NOVA1: variants seen among roughly 807,000 people sequenced by gnomAD.
NOVA1 encodes RNA-binding protein Nova-1.
A neutral mutation model predicts 38.0 loss-of-function variants in NOVA1; 7 were observed. That is an observed-to-expected ratio of 0.18 (90% CI 0.10 to 0.35). The LOEUF (loss-of-function observed/expected upper bound fraction) is 0.35, where lower values mean the gene tolerates loss of function less well. NOVA1 is among the 10% of genes least tolerant of loss of function. The probability of loss-of-function intolerance (pLI) is 1.00; values close to 1 mark genes in which losing one functional copy is unlikely to be tolerated. For synonymous variants in NOVA1, 270 were observed against 232.5 expected, an observed-to-expected ratio of 1.16 and a Z score of -1.47; for missense variants, 460 against 616.0, an observed-to-expected ratio of 0.75 and a Z score of 2.68.
chr14:26,560,802 A>G (rs1891773588), intron 2 of NOVA1, among the ~76,000 whole-genome samples: 1 of 152,188 alleles, frequency 6.6e-6, no homozygotes, highest in African/African-American at 2.4e-5. Flanking sequence ...TTGTGAACTA[A>G]TTCAGCTGAT....
chr14:26,552,294 C>T (rs1891209569), intron 2 of NOVA1, among the ~76,000 whole-genome samples: 1 of 151,956 alleles, frequency 6.6e-6, no homozygotes, highest in African/African-American at 2.4e-5. Flanking sequence ...GAAGAATAGG[C>T]ACAGGACCAA....
chr14:26,450,455 TTTTG>T (rs2138561363), intron 4 of NOVA1, among the ~76,000 whole-genome samples: 1 of 152,194 alleles, frequency 6.6e-6, no homozygotes, highest in African/African-American at 2.4e-5. Flanking sequence ...AGAAATTTAA[TTTTG>T]TTTCATTACA....
intron 2 of NOVA1, among the ~76,000 whole-genome samples, chr14:26,555,118 AG>A (rs552169612): frequency 1.2e-3 from 179 of 152,228 alleles, no homozygotes; most frequent in African/African-American, 4.0e-3. Context: ...CTTGTTTTAT[AG>A]GAACACTTTC....
intron 2 of NOVA1, among the ~76,000 whole-genome samples, chr14:26,498,588 C>T (rs1886998289): frequency 6.6e-6 from 1 of 151,964 alleles, no homozygotes; most frequent in African/African-American, 2.4e-5. Flanking sequence ...ACTGTTAAGC[C>T]ATGATTACAG....
intron 2 of NOVA1, among the ~76,000 whole-genome samples, chr14:26,528,922 T>C (rs2138539957): frequency 6.6e-6 from 1 of 152,236 alleles, no homozygotes; most frequent in Middle Eastern, 3.4e-3. Context: ...AGCCCTGGAG[T>C]TCCTCCCAGC....
intron 2 of NOVA1, among the ~76,000 whole-genome samples, chr14:26,528,511 C>T (rs1025967805): frequency 5.3e-5 from 8 of 152,086 alleles, no homozygotes; most frequent in African/African-American, 1.9e-4. Flanking sequence ...GATCATGCTG[C>T]AGGGACTGAA....
intron 2 of NOVA1, among the ~76,000 whole-genome samples, chr14:26,498,781 TTTTC>T (rs1198286828): frequency 6.6e-6 from 1 of 152,168 alleles, no homozygotes; most frequent in East Asian, 1.9e-4. Flanking sequence ...TTAAAGAACA[TTTTC>T]TTTGATTGAT....
At chr14:26,504,573 C>T (rs1594420400) in intron 2 of NOVA1, among the ~76,000 whole-genome samples, 1 of 152,084 alleles carries the variant, frequency 6.6e-6, no homozygotes, top group African/African-American at 2.4e-5. Context: ...TTATATGAGC[C>T]TCCCTTTTGA....
At chr14:26,462,849 T>C (rs191668933) in intron 4 of NOVA1, among the ~76,000 whole-genome samples, 8 of 152,322 alleles carry the variant, frequency 5.3e-5, no homozygotes, top group Non-Finnish European at 1.0e-4. Context: ...AAACATTGCA[T>C]ATACCACAAC....
At chr14:26,521,984 T>C (rs1888932553) in intron 2 of NOVA1, among the ~76,000 whole-genome samples, 1 of 152,098 alleles carries the variant, frequency 6.6e-6, no homozygotes, top group Admixed American at 6.5e-5. Context: ...ATTAAATCTA[T>C]TGCAATTGTT....
intron 2 of NOVA1, among the ~76,000 whole-genome samples, chr14:26,482,932 G>A (rs140245488): frequency 0.012 from 1,869 of 152,202 alleles, 37 homozygotes; most frequent in African/African-American, 0.04. Flanking sequence ...CTGAGCTCAA[G>A]TGATCTGCCC....
At chr14:26,578,406 T>C (rs1361097881) in intron 2 of NOVA1, among the ~76,000 whole-genome samples, 1 of 151,932 alleles carries the variant, frequency 6.6e-6, no homozygotes, top group African/African-American at 2.4e-5. Context: ...GTAAAAATAA[T>C]TTCCAGTAGG....
In NOVA1 at chr14:26,487,097, T is replaced by C. The variant is rs1885977329; in HGVS notation, c.281-6954A>G. On this transcript the variant is annotated intron_variant, in intron 2 of 4. Transcript: ENST00000539517. Reference sequence around the variant, plus strand: ...ATAATTACATAAGCAAAAGTCTCATTTATGAGTATTTAAGATAATGAGTCA... The same window carrying C: ...ATAATTACATAAGCAAAAGTCTCATCTATGAGTATTTAAGATAATGAGTCA... Among the ~76,000 whole-genome samples the C allele has an allele frequency of 2.0e-5, 3 of 152,140 alleles. No homozygotes were observed. The South Asian group carries it at 6.2e-4, about 31-fold the overall frequency.
intron 2 of NOVA1, among the ~76,000 whole-genome samples, chr14:26,554,193 A>AAGGG (rs550262377): frequency 0.028 from 3,869 of 138,012 alleles, 94 homozygotes; most frequent in Non-Finnish European, 0.041. Flanking sequence ...AGAAGGAAGG[A>AAGGG]AGGGAGGGAG....
chr14:26,579,575 TGTAA>T (rs1461653980), intron 2 of NOVA1, among the ~76,000 whole-genome samples: 1 of 152,166 alleles, frequency 6.6e-6, no homozygotes, highest in African/African-American at 2.4e-5. Flanking sequence ...ATATTTAGTA[TGTAA>T]GTAATATTTA....
chr14:26,470,457 T>A (rs1477173527), intron 4 of NOVA1: 2 of 1,563,164 alleles, frequency 1.3e-6, no homozygotes, highest in Non-Finnish European at 1.8e-6. Context: ...TTCTCTTATA[T>A]CTTGCTTCAT....
chr14:26,502,648 A>C (rs1887323732), intron 2 of NOVA1, among the ~76,000 whole-genome samples: 1 of 151,660 alleles, frequency 6.6e-6, no homozygotes, highest in Non-Finnish European at 1.5e-5. Context: ...TATATTGCAG[A>C]AACTGGAGAG....
At chr14:26,580,763 G>A (rs1594575439) in intron 2 of NOVA1, among the ~76,000 whole-genome samples, 1 of 151,908 alleles carries the variant, frequency 6.6e-6, no homozygotes, top group East Asian at 1.9e-4. Context: ...TGTGGGATGA[G>A]GATAGGTCAG....
intron 2 of NOVA1, among the ~76,000 whole-genome samples, chr14:26,505,727 T>C (rs1396287283): frequency 6.6e-6 from 1 of 152,192 alleles, no homozygotes; most frequent in Non-Finnish European, 1.5e-5. Flanking sequence ...TGATCTAATT[T>C]TTCTTATTTT....
Sources: gnomAD v4.1 joint callset for allele counts (sites outside exome capture counted in the v4.1 genomes callset) on GRCh38, gnomAD v4.1.1 for gene constraint, MANE v1.5 for transcripts, NCBI Gene and HGNC (gene_info 2026-07-23, HGNC 2026-07-21) for gene names.